PFKL: variants seen among roughly 807,000 people sequenced by gnomAD.
PFKL encodes the protein phosphofructokinase, liver type.
A neutral mutation model predicts 92.1 loss-of-function variants in PFKL; 74 were observed. That is an observed-to-expected ratio of 0.80 (90% CI 0.67 to 0.97). PFKL has a LOEUF of 0.97. PFKL is among the 50% of genes least tolerant of loss of function. The pLI, the probability that PFKL is intolerant of heterozygous loss-of-function variation, is 0.00. For synonymous variants in PFKL, 494 were observed against 456.4 expected, an observed-to-expected ratio of 1.08 and a Z score of -1.05; for missense variants, 1,028 against 1,116.6, an observed-to-expected ratio of 0.92 and a Z score of 1.13.
At chr21:44,301,892 C>T (rs1419898959) in intron 1 of PFKL, among the ~76,000 whole-genome samples, 2 of 152,126 alleles carry the variant, frequency 1.3e-5, no homozygotes, top group African/African-American at 4.8e-5. Flanking sequence ...CCACCCCATG[C>T]ACAGACTAAA....
At chr21:44,321,593 G>T in intron 12 of PFKL, 136 bp from the exon 13 acceptor site, 1 of 771,840 alleles carries the variant, frequency 1.3e-6, no homozygotes, top group Non-Finnish European at 1.9e-6. Context: ...CAGTTGGGCG[G>T]TGTGCTGGGC....
At chr21:44,325,635 G>C (rs78933036) in intron 19 of PFKL, 1 of 492,458 alleles carries the variant, frequency 2.0e-6, no homozygotes, top group Non-Finnish European at 3.7e-6. Context: ...CCAGGGAGGG[G>C]AGTCAGGGTG....
chr21:44,300,938 G>C (rs902936821), intron 1 of PFKL, among the ~76,000 whole-genome samples: 1 of 152,200 alleles, frequency 6.6e-6, no homozygotes. Flanking sequence ...GGCACCTGTG[G>C]CACAGGACGC....
At position 44,313,015 on chromosome 21, in the gene PFKL, C is replaced by G; in HGVS notation, c.465C>G (p.His155Gln). ...AGACTACAGCCCGGACCTACTCGCA[C>G]CTGAACATCGCGGGCCTAGTGGGCT... ...ISETTARTYS[H>Q]LNIAGLVGSI... Residue 155 changes from histidine to glutamine, a missense_variant, in exon 5 of 22, where the codon CAC (histidine) becomes CAG (glutamine). His to Gln is a conservative substitution (Grantham distance 24, BLOSUM62 0). Coordinates refer to ENST00000349048, the MANE Select transcript of PFKL (RefSeq NM_002626.6). 6.2e-7 allele frequency: 1 copy of G among 1,613,164 alleles called. No homozygotes were observed. Among genetic ancestry groups the G allele is most frequent in the Non-Finnish European group, 8.5e-7 (1 of 1,179,932 alleles).
intron 13 of PFKL, 45 bp downstream of exon 13, chr21:44,321,920 G>T: frequency 6.6e-7 from 1 of 1,513,926 alleles, no homozygotes; most frequent in Non-Finnish European, 8.9e-7. Flanking sequence ...GGCCTTCTGT[G>T]TGCACACTTG....
At position 44,306,717 on chromosome 21, in the gene PFKL, G is replaced by T; in HGVS notation, c.122G>T (p.Gly41Val). ...NAAVRAVTRM[G>V]IYVGAKVFLI... is the part of the protein sequence containing the mutation. ...GCTGTCCGGGCTGTGACGCGCATGG[G>T]CATTTATGTGGGTGCCAAAGTCTTC... The change falls in exon 2 of 22, where the codon GGC becomes GTC. Residue 41 changes from glycine to valine, a missense_variant. By Grantham distance (109) the Gly-to-Val change is moderately radical. Coordinates refer to ENST00000349048, the MANE Select transcript of PFKL (RefSeq NM_002626.6). 1 of 1,613,950 alleles carries T rather than the reference G, an allele frequency of 6.2e-7. No individual in the cohort carries two copies. The highest frequency in any genetic ancestry group is 8.5e-7 in the Non-Finnish European group (1 of 1,179,952).
rs373029144 is a variant in PFKL, at chr21:44,313,581, C to T, written c.594-57C>T. The T allele has an allele frequency of 1.3e-4, 197 of 1,556,790 alleles. 5 individuals carry two copies. The Middle Eastern group carries it at 3.3e-3, about 26-fold the overall frequency. ...GTCCCTTGAGCACCCCGCAGGGAAT[C>T]GGGCTGGCAGGGCCGTGTGGCTGGC... is the stretch of plus-strand genomic sequence containing the variant. On this transcript the variant is annotated intron_variant, in intron 5 of 21. Transcript: ENST00000349048.
chr21:44,304,819 T>G (rs1346372855), intron 1 of PFKL, among the ~76,000 whole-genome samples: 1 of 151,724 alleles, frequency 6.6e-6, no homozygotes, highest in Non-Finnish European at 1.5e-5. Context: ...TGGGTGTGTG[T>G]GGGATGCTTG....
chr21:44,323,198 C>T (rs983838845), intron 15 of PFKL, 149 bp downstream of exon 15: 36 of 577,268 alleles, frequency 6.2e-5, no homozygotes, highest in African/African-American at 4.5e-4. Flanking sequence ...TGTGTGGGCT[C>T]GGGAGGGCAC....
At chr21:44,319,861 G>A (rs1410840000) in intron 11 of PFKL, 5 of 535,880 alleles carry the variant, frequency 9.3e-6, no homozygotes, top group South Asian at 4.6e-5. Context: ...TGCCGGCCAC[G>A]TGCTTTGCTG....
chr21:44,314,912 G>GA (rs1276328641), intron 7 of PFKL: 3 of 152,344 alleles, frequency 2.0e-5, no homozygotes, highest in African/African-American at 7.2e-5. Flanking sequence ...TGGGGGCAGA[G>GA]GGTGGGTTTG....
intron 2 of PFKL, among the ~76,000 whole-genome samples, 195 bp from the exon 3 acceptor site, chr21:44,310,811 C>G (rs1403177640): frequency 7.9e-5 from 12 of 152,050 alleles, no homozygotes; most frequent in African/African-American, 2.9e-4. Flanking sequence ...GACTCACCAG[C>G]TGTGCAGAGG....
intron 12 of PFKL, chr21:44,321,521 C>A: frequency 2.2e-6 from 1 of 455,830 alleles, no homozygotes; most frequent in Non-Finnish European, 3.8e-6. Flanking sequence ...AGGCTTGCAC[C>A]GTGTCTCTTT....
At chr21:44,317,487 G>A (rs577735136) in intron 9 of PFKL, among the ~76,000 whole-genome samples, 2 of 152,334 alleles carry the variant, frequency 1.3e-5, no homozygotes, top group African/African-American at 2.4e-5. Context: ...CAAGCCAGCC[G>A]CTGCTGAGCC....
At position 44,318,406 on chromosome 21, in the gene PFKL, G is replaced by C. The variant is rs1248332734; in HGVS notation, c.937-64G>C. 2.9e-6 allele frequency: 4 copies of C among 1,387,684 alleles called. No individual in the cohort carries two copies. The East Asian group carries it at 1.1e-4, about 38-fold the overall frequency. 86.0% of individuals were successfully genotyped at this position (1,387,684 alleles called of 1,614,324 possible). ...AGCTGGGGTTTGCACATCTACAGAG[G>C]ATGGGCATGTGGCTTGGGGTAGAGG... is the stretch of plus-strand genomic sequence containing the variant. On this transcript the variant is annotated intron_variant, in intron 9 of 21. Coordinates refer to ENST00000349048, the MANE Select transcript of PFKL (RefSeq NM_002626.6).
chr21:44,309,191 C>T (rs910126590), intron 2 of PFKL, among the ~76,000 whole-genome samples: 1 of 152,150 alleles, frequency 6.6e-6, no homozygotes, highest in African/African-American at 2.4e-5. Flanking sequence ...TGGCTTCCTT[C>T]AGCAGGGAGA....
At chr21:44,319,458 T>A in intron 11 of PFKL, 43 bp downstream of exon 11, 2 of 1,531,650 alleles carry the variant, frequency 1.3e-6, no homozygotes, top group African/African-American at 1.4e-5. Context: ...CATGGCTGGG[T>A]CCCGGTGCCA....
chr21:44,323,015 G>T lies in PFKL; in HGVS notation c.1463G>T (p.Gly488Val). Residue 488 changes from glycine (G) to valine (V), a missense_variant, in exon 15 of 22, where the codon GGT becomes GTT. Coordinates refer to ENST00000349048, the MANE Select transcript of PFKL (RefSeq NM_002626.6). The part of the protein sequence containing the change: ...ESIVENIRIY[G>V]IHALLVVGGF... Reference sequence around the variant, plus strand: ...ATTGTGGAGAACATCCGCATCTATGGTATTCACGCCCTGCTGGTGGTCGGT... The same window carrying T: ...ATTGTGGAGAACATCCGCATCTATGTTATTCACGCCCTGCTGGTGGTCGGT... The T allele has an allele frequency of 1.2e-6, 2 of 1,613,344 alleles. No individual in the cohort carries two copies. The highest frequency in any genetic ancestry group is 1.7e-6 in the Non-Finnish European group (2 of 1,179,776).
In PFKL at chr21:44,321,831, G is replaced by A. The variant is rs2047363162; in HGVS notation, c.1294G>A (p.Val432Ile). 2.5e-6 allele frequency: 4 copies of A among 1,589,230 alleles called. No homozygotes were observed. The highest frequency in any genetic ancestry group is 3.4e-6 in the Non-Finnish European group (4 of 1,166,702). ...VRTGISHGHTVYVVHDGFEGL... is the reference protein window; with the variant it reads ...VRTGISHGHTIYVVHDGFEGL... ...GACCGGCATCTCCCATGGACACACA[G>A]TATACGTGGTGCACGATGGCTTCGA... Residue 432 changes from valine to isoleucine, a missense_variant, in exon 13 of 22, where the codon GTA becomes ATA. Coordinates refer to ENST00000349048, the MANE Select transcript of PFKL (RefSeq NM_002626.6).
Sources: gnomAD v4.1 joint callset for allele counts (sites outside exome capture counted in the v4.1 genomes callset) on GRCh38, gnomAD v4.1.1 for gene constraint, MANE v1.5 for transcripts, NCBI Gene and HGNC (gene_info 2026-07-23, HGNC 2026-07-21) for gene names.